Variants in TSPAN14 observed in about 807,000 individuals in gnomAD.
The protein encoded by TSPAN14 is tetraspanin-14.
In TSPAN14, 16 loss-of-function variants were observed where a neutral mutation model predicts 36.6. The ratio of observed to expected loss-of-function variants is 0.44; its 90% CI spans 0.30 to 0.66. TSPAN14 has a LOEUF of 0.66. Ranked by LOEUF, TSPAN14 falls within the 30% of genes least tolerant of loss-of-function variation. The pLI is 0.12. For missense variants in TSPAN14, 231 were observed against 355.1 expected (o/e 0.65, Z 2.81); for synonymous variants, 139 against 143.8 (o/e 0.97, Z 0.24).
intron 1 of TSPAN14, among the ~76,000 whole-genome samples, chr10:80,477,032 T>C (rs545369985): frequency 4.6e-5 from 7 of 152,344 alleles, no homozygotes; most frequent in African/African-American, 2.4e-5. Flanking sequence ...CCTTGCTTAC[T>C]GTCAGCCAGG....
At chr10:80,482,823 C>G (rs912633389) in intron 1 of TSPAN14, among the ~76,000 whole-genome samples, 2 of 150,808 alleles carry the variant, frequency 1.3e-5, no homozygotes, top group African/African-American at 4.9e-5. Flanking sequence ...GCAACCCCCG[C>G]CTCTCTGGTT....
At chr10:80,498,844 A>G (rs1244990888) in intron 2 of TSPAN14, among the ~76,000 whole-genome samples, 4 of 152,210 alleles carry the variant, frequency 2.6e-5, no homozygotes, top group Non-Finnish European at 5.9e-5. Context: ...ATAGGCTCAG[A>G]GAAGGTCTTG....
intron 1 of TSPAN14, among the ~76,000 whole-genome samples, chr10:80,475,334 C>T (rs997087302): frequency 2.0e-5 from 3 of 152,162 alleles, no homozygotes; most frequent in Admixed American, 1.3e-4. Flanking sequence ...TGGGAGACTG[C>T]AGAGGGAGGA....
At chr10:80,511,771 TCC>T in intron 5 of TSPAN14, among the ~76,000 whole-genome samples, 1 of 123,266 alleles carries the variant, frequency 8.1e-6, no homozygotes, top group East Asian at 2.4e-4. Flanking sequence ...TCTCTCTCTC[TCC>T]CCTTTTTTCT....
chr10:80,486,135 G>C (rs1185825014), intron 1 of TSPAN14, among the ~76,000 whole-genome samples: 1 of 152,338 alleles, frequency 6.6e-6, no homozygotes, highest in South Asian at 2.1e-4. Flanking sequence ...GTGTAGGTGT[G>C]GACCCCAGCA....
chr10:80,458,401 T>G (rs1845825596), intron 1 of TSPAN14, among the ~76,000 whole-genome samples: 1 of 152,182 alleles, frequency 6.6e-6, no homozygotes, highest in Admixed American at 6.5e-5. Flanking sequence ...ATTTTGTGCC[T>G]GGTCACCTGC....
intron 1 of TSPAN14, among the ~76,000 whole-genome samples, chr10:80,468,177 G>T (rs558366921): frequency 6.6e-6 from 1 of 151,894 alleles, no homozygotes; most frequent in Non-Finnish European, 1.5e-5. Context: ...CTCTGGGCCC[G>T]CCCACCCAAA....
chr10:80,518,536 G>A lies in TSPAN14; in HGVS notation c.*560G>A, dbSNP rs1286194273. On this transcript the variant is annotated 3_prime_UTR_variant, in exon 9 of 9. Coordinates refer to ENST00000429989, the Ensembl canonical transcript of TSPAN14. The stretch of plus-strand genomic sequence containing the variant: ...CTGGGACATGCACATATCAGGGGTT[G>A]TTTGCAGGATCCTCAGCCATGTTCA... 3 of 158,224 alleles carry A rather than the reference G, an allele frequency of 1.9e-5. No individual in the cohort carries two copies. The East Asian group carries it at 5.6e-4, about 29-fold the overall frequency. The allele number at this position is 158,224 out of a possible 1,614,324, so 9.8% of individuals were successfully genotyped here. A position where few individuals can be genotyped will look rare whatever the true frequency, so the allele number is the denominator to read the frequency against.
intron 1 of TSPAN14, among the ~76,000 whole-genome samples, chr10:80,467,914 C>A (rs1408014414): frequency 2.0e-5 from 3 of 152,228 alleles, no homozygotes; most frequent in Non-Finnish European, 4.4e-5. Context: ...GAAGTGGAAT[C>A]CAGGGAGAGG....
chr10:80,477,230 A>G (rs1846969533), intron 1 of TSPAN14, among the ~76,000 whole-genome samples: 1 of 152,248 alleles, frequency 6.6e-6, no homozygotes, highest in Admixed American at 6.5e-5. Flanking sequence ...CCCTATGTTA[A>G]GATCAGTTGA....
At chr10:80,512,720 G>T (rs1486991879) in intron 6 of TSPAN14, among the ~76,000 whole-genome samples, 2 of 152,126 alleles carry the variant, frequency 1.3e-5, no homozygotes, top group Non-Finnish European at 2.9e-5. Flanking sequence ...TTGAGACAGG[G>T]TCTTGCTGTG....
intron 1 of TSPAN14, among the ~76,000 whole-genome samples, chr10:80,469,291 T>G (rs968850627): frequency 3.9e-5 from 6 of 152,238 alleles, no homozygotes; most frequent in Non-Finnish European, 8.8e-5. Flanking sequence ...AAATATTGTT[T>G]GCTTTTGGAA....
At chr10:80,500,055 G>C (rs781398825) in intron 2 of TSPAN14, among the ~76,000 whole-genome samples, 4 of 152,180 alleles carry the variant, frequency 2.6e-5, no homozygotes, top group African/African-American at 9.7e-5. Flanking sequence ...GAAGGGTTCC[G>C]TGGGGTGAAG....
chr10:80,507,705 G>A (rs1840371731), intron 4 of TSPAN14, among the ~76,000 whole-genome samples: 1 of 152,218 alleles, frequency 6.6e-6, no homozygotes, highest in South Asian at 2.1e-4. Context: ...TGCCCTTCCT[G>A]GCTAAGATCA....
chr10:80,493,743 G>A (rs528459251), intron 2 of TSPAN14, among the ~76,000 whole-genome samples: 2 of 152,338 alleles, frequency 1.3e-5, no homozygotes, highest in South Asian at 2.1e-4. Flanking sequence ...CTAGGAGCCC[G>A]GGAAGGGAAG....
intron 1 of TSPAN14, among the ~76,000 whole-genome samples, chr10:80,468,347 G>A (rs1264394229): frequency 6.6e-6 from 1 of 152,232 alleles, no homozygotes; most frequent in African/African-American, 2.4e-5. Flanking sequence ...CATTTGGTTA[G>A]AGTAGCTTTT....
At chr10:80,462,308 G>A (rs1241031758) in intron 1 of TSPAN14, among the ~76,000 whole-genome samples, 1 of 133,288 alleles carries the variant, frequency 7.5e-6, no homozygotes, top group Non-Finnish European at 1.6e-5. Flanking sequence ...TCATTAGGAG[G>A]TGTTTATTTC....
At chr10:80,513,832 C>A (rs1159979629) in intron 6 of TSPAN14, among the ~76,000 whole-genome samples, 187 bp from the exon 7 acceptor site, 2 of 152,198 alleles carry the variant, frequency 1.3e-5, no homozygotes, top group Non-Finnish European at 2.9e-5. Context: ...ACTCTCTAGC[C>A]CTTCACAGAG....
intron 5 of TSPAN14, among the ~76,000 whole-genome samples, chr10:80,510,982 A>G (rs1278832239): frequency 2.0e-5 from 3 of 152,236 alleles, no homozygotes; most frequent in Admixed American, 2.0e-4. Flanking sequence ...GGTAATCACT[A>G]AAGCAAGTGG....
Sources: allele counts gnomAD v4.1 joint callset (sites outside exome capture counted in the v4.1 genomes callset), GRCh38; gene constraint gnomAD v4.1.1; transcripts MANE v1.5; gene names NCBI Gene and HGNC (gene_info 2026-07-23, HGNC 2026-07-21).